The following STARD3NL variants were observed in gnomAD, a reference collection of about 807,000 sequenced individuals.
STARD3NL encodes STARD3 N-terminal-like protein.
A neutral mutation model predicts 30.9 loss-of-function variants in STARD3NL; 17 were observed. That is an observed-to-expected ratio of 0.55 (90% confidence interval 0.38 to 0.82). The LOEUF is 0.82. Among genes scored for constraint, STARD3NL ranks in the 40% least tolerant of loss-of-function variants. The pLI is 0.00. For synonymous variants in STARD3NL, 112 were observed against 100.5 expected (o/e 1.11, Z -0.69); for missense variants, 234 against 277.6 (o/e 0.84, Z 1.12).
At chr7:38,195,166 C>T (rs1184940354) in intron 1 of STARD3NL, among the ~76,000 whole-genome samples, 1 of 152,156 alleles carries the variant, frequency 6.6e-6, no homozygotes, top group African/African-American at 2.4e-5. Context: ...AAGTGATTCT[C>T]CTGCCTCAGC....
chr7:38,216,768 C>T, intron 4 of STARD3NL: 1 of 498,844 alleles, frequency 2.0e-6, no homozygotes, highest in Non-Finnish European at 3.6e-6. Flanking sequence ...ACTTAGTTAC[C>T]TAGCACACCA....
At chr7:38,226,137 A>T (rs145631727) in intron 7 of STARD3NL, among the ~76,000 whole-genome samples, 8 of 128,434 alleles carry the variant, frequency 6.2e-5, no homozygotes, top group Middle Eastern at 4.4e-3. Flanking sequence ...ACTTTCTTGA[A>T]TCTTTGCCTA....
At chr7:38,198,475 A>G (rs941827024) in intron 1 of STARD3NL, 1 of 152,262 alleles carries the variant, frequency 6.6e-6, no homozygotes, top group Non-Finnish European at 1.5e-5. Context: ...TCAGTATCTT[A>G]AGAAACACTG....
intron 1 of STARD3NL, 51 bp from the exon 2 acceptor site, chr7:38,207,396 A>G (rs1785544535): frequency 3.6e-6 from 3 of 840,510 alleles, no homozygotes; most frequent in African/African-American, 1.7e-5. Flanking sequence ...TTGCACAGTT[A>G]TATTTGATCA....
At chr7:38,183,975 C>A (rs1784350655) in intron 1 of STARD3NL, among the ~76,000 whole-genome samples, 1 of 152,138 alleles carries the variant, frequency 6.6e-6, no homozygotes, top group Non-Finnish European at 1.5e-5. Context: ...ATGATAGTTG[C>A]AATTTTTAAA....
chr7:38,218,714 A>G (rs1341581119), intron 6 of STARD3NL, among the ~76,000 whole-genome samples: 10 of 152,176 alleles, frequency 6.6e-5, no homozygotes. Context: ...TCCTGAGGTT[A>G]ACTCAGCTTT....
chr7:38,192,278 A>G (rs1192773815), intron 1 of STARD3NL, among the ~76,000 whole-genome samples: 3 of 145,836 alleles, frequency 2.1e-5, no homozygotes, highest in Admixed American at 7.2e-5. Flanking sequence ...CTTGTTAACA[A>G]AGTTTTGTTG....
chr7:38,197,537 A>G (rs111849753), intron 1 of STARD3NL, among the ~76,000 whole-genome samples: 22 of 152,294 alleles, frequency 1.4e-4, no homozygotes, highest in African/African-American at 4.3e-4. Context: ...CTTATCTACA[A>G]ACCATCTTTG....
rs1173712873 is a variant in STARD3NL, at chr7:38,227,758, A to G, written c.650-1041A>G. Among the ~76,000 whole-genome samples the G allele has an allele frequency of 1.1e-4, 17 of 152,162 alleles. No homozygotes were observed. The East Asian group carries it at 2.7e-3, about 24-fold the overall frequency. On this transcript the variant is annotated intron_variant, in intron 7 of 8. Transcript: ENST00000009041. ...AAAATTAGAAATCACGTATCCTTCA[A>G]ATTATTTGGTAACATCAGTATTGAC...
chr7:38,214,521 C>T, intron 3 of STARD3NL, 87 bp downstream of exon 3: 2 of 744,388 alleles, frequency 2.7e-6, no homozygotes, highest in Admixed American at 2.8e-5. Context: ...ATTCCATGCC[C>T]TTTTTTCCTC....
At chr7:38,218,784 C>A (rs1245617815) in intron 6 of STARD3NL, among the ~76,000 whole-genome samples, 1 of 152,186 alleles carries the variant, frequency 6.6e-6, no homozygotes, top group East Asian at 1.9e-4. Context: ...CAGCTGTCCA[C>A]GTCCTGCTTT....
intron 7 of STARD3NL, among the ~76,000 whole-genome samples, chr7:38,220,067 C>T (rs2116384953): frequency 6.6e-6 from 1 of 152,284 alleles, no homozygotes; most frequent in Middle Eastern, 3.4e-3. Context: ...TCTTATGGCT[C>T]ACATCTCATC....
intron 1 of STARD3NL, among the ~76,000 whole-genome samples, chr7:38,181,565 T>C (rs1451424363): frequency 6.6e-6 from 1 of 152,224 alleles, no homozygotes; most frequent in Non-Finnish European, 1.5e-5. Context: ...TTACTTTCTG[T>C]ATGTCTTTTT....
At chr7:38,222,995 G>A (rs776511160) in intron 7 of STARD3NL, among the ~76,000 whole-genome samples, 1 of 152,120 alleles carries the variant, frequency 6.6e-6, no homozygotes, top group African/African-American at 2.4e-5. Context: ...GTTCTAAGCT[G>A]CTGTTGCCCT....
intron 1 of STARD3NL, among the ~76,000 whole-genome samples, chr7:38,203,046 T>G (rs1347159722): frequency 1.3e-5 from 2 of 152,138 alleles, no homozygotes; most frequent in Non-Finnish European, 2.9e-5. Flanking sequence ...ATGTGCAAGT[T>G]GGAAAACACT....
intron 2 of STARD3NL, among the ~76,000 whole-genome samples, chr7:38,212,058 C>T (rs566648079): frequency 2.0e-5 from 3 of 152,280 alleles, no homozygotes; most frequent in South Asian, 2.1e-4. Context: ...CCTGGCTGGT[C>T]GCCTGCTTCC....
rs1487057494 is a variant in STARD3NL at position 38,207,805 on chromosome 7, A to G, written c.225+76A>G. On this transcript the variant is annotated intron_variant, in intron 2 of 8. Transcript: ENST00000009041. Reference sequence around the variant, plus strand: ...CAGGGTTTTTTTGTTCGTTTCTCTTATCATTTGTTTCATTTAGTAATTTCC... The same window carrying G: ...CAGGGTTTTTTTGTTCGTTTCTCTTGTCATTTGTTTCATTTAGTAATTTCC... 3.0e-6 allele frequency: 4 copies of G among 1,351,826 alleles called. No homozygotes were observed. The African/African-American group carries it at 5.9e-5, about 20-fold the overall frequency. The allele number at this position is 1,351,826 out of a possible 1,614,324, so 83.7% of individuals were successfully genotyped here.
chr7:38,190,608 C>G (rs1486993135), intron 1 of STARD3NL, among the ~76,000 whole-genome samples: 4 of 152,166 alleles, frequency 2.6e-5, no homozygotes, highest in African/African-American at 9.7e-5. Flanking sequence ...CGTGCATCTC[C>G]TAAGAATAAG....
intron 7 of STARD3NL, among the ~76,000 whole-genome samples, chr7:38,223,206 GGAGCAGCCT>G (rs1786566363): frequency 2.0e-5 from 3 of 152,182 alleles, no homozygotes; most frequent in Non-Finnish European, 4.4e-5. Context: ...TCCTTGTAAA[GGAGCAGCCT>G]GAATTTTAGT....
Sources: gnomAD v4.1 joint callset for allele counts (sites outside exome capture counted in the v4.1 genomes callset) on GRCh38, gnomAD v4.1.1 for gene constraint, MANE v1.5 for transcripts, NCBI Gene and HGNC (gene_info 2026-07-23, HGNC 2026-07-21) for gene names.